PASK: variants seen among roughly 807,000 people sequenced by gnomAD.
PASK encodes PAS domain-containing serine/threonine-protein kinase.
PASK carries 110 observed loss-of-function variants against 121.0 expected under a neutral mutation model. The observed-to-expected ratio is 0.91, with a 90% CI of 0.78 to 1.06. The LOEUF is 1.06. Among genes scored for constraint, PASK ranks in the 50% least tolerant of loss-of-function variants. The pLI is 0.00. For missense variants in PASK, 1,643 were observed against 1,702.3 expected, an observed-to-expected ratio of 0.97 and a Z score of 0.61; for synonymous variants, 686 against 717.8, an observed-to-expected ratio of 0.96 and a Z score of 0.71.
At chr2:241,143,753 A>G (rs897284519) in intron 1 of PASK, among the ~76,000 whole-genome samples, 17 of 152,270 alleles carry the variant, frequency 1.1e-4, no homozygotes, top group Admixed American at 9.2e-4. Flanking sequence ...CACAGCTCCC[A>G]TGGTCTCAGC....
chr2:241,132,338 C>CGT (rs2066186099), intron 9 of PASK, among the ~76,000 whole-genome samples: 9 of 151,384 alleles, frequency 5.9e-5, no homozygotes, highest in African/African-American at 1.9e-4. Flanking sequence ...TCCTGGCCAA[C>CGT]ATGGTGAAAC....
chr2:241,139,347 A>G (rs928835043), intron 4 of PASK, among the ~76,000 whole-genome samples: 6 of 152,054 alleles, frequency 3.9e-5, no homozygotes, highest in Non-Finnish European at 8.8e-5. Flanking sequence ...AAACCCTACA[A>G]TCAGCCATGC....
rs1334278226 is a variant in PASK, at chr2:241,143,550, C to CA, written c.-42-477dup. On this transcript the variant is annotated intron_variant, in intron 1 of 17. Transcript: ENST00000234040. The stretch of plus-strand genomic sequence containing the variant: ...TGGGCGATAGAGAGAGACTCCATGT[C>CA]AAAAAAAAAGAAAAAAAAAAAGAAG... 7.8e-3 allele frequency among the ~76,000 whole-genome samples: 897 copies of CA among 115,608 alleles called. 2 individuals are homozygous for CA. The highest frequency in any genetic ancestry group is 0.022 in the Middle Eastern group (5 of 228). The allele number at this position is 115,608 out of a possible 152,430, so 75.8% of individuals were successfully genotyped here. A position where few individuals can be genotyped will look rare whatever the true frequency, so the allele number is the denominator to read the frequency against.
chr2:241,137,313 G>C, intron 6 of PASK, 49 bp from the exon 7 acceptor site: 1 of 1,547,704 alleles, frequency 6.5e-7, no homozygotes, highest in Middle Eastern at 1.8e-4. Context: ...CACGTGGACA[G>C]AGCACTGAGT....
In PASK at chr2:241,110,990, G is replaced by A. The variant is rs949530850; in HGVS notation, c.3533+1250C>T. ...GCATCCAGGCCCAGAAGAGCTCAAC[G>A]CTGCCTGGCATGGAGAGGTTGGCGC... On this transcript the variant is annotated intron_variant, in intron 15 of 17. Transcript: ENST00000234040. Among the ~76,000 whole-genome samples, 4 of 152,342 alleles carry A rather than the reference G, an allele frequency of 2.6e-5. No homozygotes were observed. In the South Asian group the frequency reaches 6.2e-4, roughly 24 times the overall value.
At position 241,138,742 on chromosome 2, in the gene PASK, T is replaced by C. The variant is rs1297850202; in HGVS notation, c.653A>G (p.Lys218Arg). 2.5e-6 allele frequency: 4 copies of C among 1,614,082 alleles called. No homozygotes were observed. Among genetic ancestry groups the C allele is most frequent in the Admixed American group, 3.3e-5 (2 of 60,026 alleles). The change falls in exon 5 of 18, where the codon AAG becomes AGG. Residue 218 changes from lysine (K) to arginine (R), a missense_variant. This residue lies in a region of PASK where 1,176 missense variants were observed against 1,162.2 expected (regional missense o/e 1.01). Transcript: ENST00000234040. ...TAGGCGGCGCTCCTGCCGCATCCTC[T>C]TCATCCACACAGACACTGGAATCTT... Reference protein sequence around the residue: ...GEKIPVSVWMKRMRQERRLCC... With the variant: ...GEKIPVSVWMRRMRQERRLCC...
rs377193991 is a variant in PASK at position 241,122,720 on chromosome 2, C to T, written c.3072+12G>A. 2 of 1,613,590 alleles carry T rather than the reference C, an allele frequency of 1.2e-6. No homozygotes were observed. The highest frequency in any genetic ancestry group is 2.2e-5 in the South Asian group (2 of 91,076). On this transcript the variant is annotated intron_variant, in intron 12 of 17. Coordinates refer to ENST00000234040, the MANE Select transcript of PASK (RefSeq NM_015148.4). ...GGTGCCCGGCGCCACTCCCCCCCCA[C>T]AGCCAGGTTACCTCCTTGTTTTTTT...
At position 241,137,137 on chromosome 2, in the gene PASK, T is replaced by G; in HGVS notation, c.1004A>C (p.Tyr335Ser). ...TTGEAAPVSG[Y>S]RASVWVFCTI... ...GCAGAACACCCAGACAGATGCCCGGTAGCCGCTCACAGGGGCCGCCTCACC... is the reference window on the plus strand; with the variant it reads ...GCAGAACACCCAGACAGATGCCCGGGAGCCGCTCACAGGGGCCGCCTCACC... Residue 335 changes from tyrosine (Y) to serine (S), a missense_variant, in exon 7 of 18, where the codon TAC becomes TCC. Transcript: ENST00000234040. The G allele has an allele frequency of 2.5e-6, 4 of 1,613,766 alleles. No individual in the cohort carries two copies. Among genetic ancestry groups the G allele is most frequent in the Non-Finnish European group, 3.4e-6 (4 of 1,179,942 alleles).
Position 241,140,736 on chromosome 2 carries a change from A to G in PASK, c.214T>C (p.Tyr72His), listed in dbSNP as rs780155337. 1 of 1,610,048 alleles carries G rather than the reference A, an allele frequency of 6.2e-7. No homozygotes were observed. The highest frequency in any genetic ancestry group is 8.5e-7 in the Non-Finnish European group (1 of 1,176,238). ...TGGGCAGCCAGTGATGATAGACAAT[A>G]GGAGCTCCATCTGTCTTCTGAAAAG... ...TALSEDRWSS[Y>H]CLSSLAAQNI... The change falls in exon 3 of 18, where the codon TAT (tyrosine) becomes CAT (histidine). Residue 72 changes from tyrosine (Y) to histidine (H), a missense_variant. This residue lies in a region of PASK where 1,176 missense variants were observed against 1,162.2 expected (regional missense o/e 1.01). Transcript: ENST00000234040.
intron 7 of PASK, among the ~76,000 whole-genome samples, chr2:241,136,570 C>T (rs2066445896): frequency 6.6e-6 from 1 of 152,256 alleles, no homozygotes. Context: ...CCCCAAAATC[C>T]CTGCAAGGTC....
In PASK at chr2:241,124,044, G is replaced by A. The variant is rs146901521; in HGVS notation, c.2809C>T (p.Arg937Cys). The change falls in exon 11 of 18, where the codon CGC becomes TGC. Residue 937 changes from arginine (R) to cysteine (C), a missense_variant. Physicochemically the swap from Arg to Cys is radical, Grantham distance 180. Coordinates refer to ENST00000234040, the MANE Select transcript of PASK (RefSeq NM_015148.4). ...AGGCGGGTCCTGGCGGCTGAGTCGC[G>A]TTGGCTGTGGAGGAGGTCTTTCACC... ...WLVKDLLHSQRDSAARTRLFL... is the reference protein window; with the variant it reads ...WLVKDLLHSQCDSAARTRLFL... The A allele has an allele frequency of 1.7e-4, 279 of 1,613,634 alleles. 2 individuals are homozygous for A. The African/African-American group carries it at 3.3e-3, about 19-fold the overall frequency.
chr2:241,114,884 T>C, intron 14 of PASK, 159 bp downstream of exon 14: 1 of 1,525,550 alleles, frequency 6.6e-7, no homozygotes, highest in Non-Finnish European at 8.8e-7. Context: ...ATCATAGAAT[T>C]TTCTTCTCAA....
intron 9 of PASK, among the ~76,000 whole-genome samples, chr2:241,131,909 C>T (rs1423448169): frequency 2.0e-5 from 3 of 151,880 alleles, no homozygotes; most frequent in Non-Finnish European, 2.9e-5. Flanking sequence ...CAAAAATTAG[C>T]CGGGCGTGGT....
At chr2:241,150,038 G>A, upstream of PASK, 4 of 1,371,998 alleles carry the variant, frequency 2.9e-6, no homozygotes, top group South Asian at 6.3e-5. Context: ...AGCCAGCGAG[G>A]CTCGCAGAGG....
intron 4 of PASK, 48 bp downstream of exon 4, chr2:241,139,837 A>G (rs1467311757): frequency 1.9e-6 from 3 of 1,584,500 alleles, no homozygotes; most frequent in Non-Finnish European, 2.6e-6. Context: ...CCTGCCACAC[A>G]CTGCTGGTCT....
chr2:241,135,438 G>C (rs1374060292), intron 8 of PASK, among the ~76,000 whole-genome samples: 1 of 152,078 alleles, frequency 6.6e-6, no homozygotes, highest in Non-Finnish European at 1.5e-5. Flanking sequence ...GGATTTCTGA[G>C]GTTGAAAAGA....
chr2:241,108,179 G>A lies in PASK; in HGVS notation c.3655C>T (p.Leu1219=), dbSNP rs776888105. ...TVEAAIHPPY[L]VSKELMSLVS... ...AGCTCACGCTCACCTTTGGACACCA[G>A]GTATGGCGGGTGTATGGCAGCCTCC... The change falls in exon 16 of 18, where the codon CTG becomes TTG. Residue 1219 remains leucine (L), a synonymous_variant. Transcript: ENST00000234040. This position sits in a 1 kb window ranked among gnomAD's most constrained non-coding sequence, Gnocchi z 5.2. 1.2e-6 allele frequency: 2 copies of A among 1,614,014 alleles called. No individual in the cohort carries two copies. Among genetic ancestry groups the A allele is most frequent in the Admixed American group, 3.3e-5 (2 of 60,030 alleles).
chr2:241,149,698 G>C (rs911008489), upstream of PASK: 2 of 1,551,114 alleles, frequency 1.3e-6, no homozygotes, highest in Non-Finnish European at 1.7e-6. Flanking sequence ...CCCGACTCGC[G>C]ATCAAAATGG....
chr2:241,135,910 C>G lies in PASK; in HGVS notation c.1267G>C (p.Asp423His). 6.2e-7 allele frequency: 1 copy of G among 1,614,188 alleles called. No individual in the cohort carries two copies. Among genetic ancestry groups the G allele is most frequent in the Non-Finnish European group, 8.5e-7 (1 of 1,180,030 alleles). ...GCTGGGTCCTGGCCCTGCCACGGGT[C>G]CAAGGTTCTCTCCCCACACCCACTC... ...NESGCGERTL[D>H]PWQGQDPAEG... Residue 423 changes from aspartate to histidine, a missense_variant, in exon 8 of 18, where the codon GAC (aspartate) becomes CAC (histidine). Coordinates refer to ENST00000234040, the MANE Select transcript of PASK (RefSeq NM_015148.4).
Sources: allele counts gnomAD v4.1 joint callset (sites outside exome capture counted in the v4.1 genomes callset), GRCh38; gene constraint gnomAD v4.1.1; regional missense constraint gnomAD v4.1.1; non-coding constraint Gnocchi (gnomAD v3.1); transcripts MANE v1.5; gene names NCBI Gene and HGNC (gene_info 2026-07-23, HGNC 2026-07-21).